The following ARHGAP15 variants were observed in gnomAD, a reference collection of about 807,000 sequenced individuals.
ARHGAP15 encodes the protein rho GTPase-activating protein 15.
Under a neutral mutation model 63.7 loss-of-function variants are expected in ARHGAP15, and 51 were observed. The ratio of observed to expected loss-of-function variants is 0.80; its 90% CI spans 0.64 to 1.01. The LOEUF (loss-of-function observed/expected upper bound fraction) is 1.01. Ranked by LOEUF, ARHGAP15 falls within the 50% of genes least tolerant of loss-of-function variation. ARHGAP15 has a pLI of 0.00. For synonymous variants in ARHGAP15, 191 were observed against 193.8 expected, an observed-to-expected ratio of 0.99 and a Z score of 0.12; for missense variants, 560 against 564.6, an observed-to-expected ratio of 0.99 and a Z score of 0.08.
chr2:143,767,603 G>T (rs755118395), intron 13 of ARHGAP15, among the ~76,000 whole-genome samples: 1 of 152,056 alleles, frequency 6.6e-6, no homozygotes, highest in Non-Finnish European at 1.5e-5. Flanking sequence ...CATTGTTCTG[G>T]TTATTTCATT....
intron 6 of ARHGAP15, among the ~76,000 whole-genome samples, chr2:143,337,201 C>T (rs1195950982): frequency 6.6e-6 from 1 of 151,860 alleles, no homozygotes; most frequent in African/African-American, 2.4e-5. Flanking sequence ...TGAAGATGGT[C>T]CATTTGAGGA....
chr2:143,229,149 A>G (rs1053018825), intron 5 of ARHGAP15, among the ~76,000 whole-genome samples: 2 of 152,148 alleles, frequency 1.3e-5, no homozygotes, highest in Non-Finnish European at 2.9e-5. Context: ...TTAAGTTGGT[A>G]TCTAGCATGC....
intron 13 of ARHGAP15, among the ~76,000 whole-genome samples, chr2:143,718,716 T>C (rs1684919274): frequency 6.6e-6 from 1 of 152,250 alleles, no homozygotes; most frequent in South Asian, 2.1e-4. Context: ...TTCTTTCTCT[T>C]GTCTGTACTC....
intron 2 of ARHGAP15, among the ~76,000 whole-genome samples, chr2:143,192,652 C>T (rs994676473): frequency 1.3e-5 from 2 of 152,170 alleles, no homozygotes; most frequent in East Asian, 1.9e-4. Flanking sequence ...AAGAGAGATG[C>T]TATTTCTGTT....
intron 12 of ARHGAP15, among the ~76,000 whole-genome samples, chr2:143,664,390 C>T (rs1436571191): frequency 5.3e-5 from 8 of 151,648 alleles, no homozygotes; most frequent in African/African-American, 1.9e-4. Flanking sequence ...ACACAACATA[C>T]CAGAATCTCT....
chr2:143,751,287 T>C (rs1467863051), intron 13 of ARHGAP15, among the ~76,000 whole-genome samples: 1 of 152,128 alleles, frequency 6.6e-6, no homozygotes, highest in Non-Finnish European at 1.5e-5. Flanking sequence ...CCGTGGGCTG[T>C]CTCCAAGAGT....
At chr2:143,292,079 T>TAA (rs906582438) in intron 6 of ARHGAP15, among the ~76,000 whole-genome samples, 3 of 150,156 alleles carry the variant, frequency 2.0e-5, no homozygotes, top group African/African-American at 7.4e-5. Flanking sequence ...AAATTAATAT[T>TAA]AATAACAATG....
intron 5 of ARHGAP15, among the ~76,000 whole-genome samples, chr2:143,244,070 C>T (rs1353177307): frequency 1.3e-5 from 2 of 152,138 alleles, no homozygotes; most frequent in African/African-American, 2.4e-5. Flanking sequence ...ACTTTGTGAA[C>T]TGTCATTCTG....
intron 12 of ARHGAP15, among the ~76,000 whole-genome samples, chr2:143,666,097 G>T (rs1402590331): frequency 1.3e-5 from 2 of 151,650 alleles, no homozygotes; most frequent in African/African-American, 2.4e-5. Flanking sequence ...CCAAAAAAGA[G>T]CCCACATCCC....
chr2:143,234,062 A>C (rs888504573), intron 5 of ARHGAP15, among the ~76,000 whole-genome samples: 4 of 151,476 alleles, frequency 2.6e-5, no homozygotes, highest in African/African-American at 9.7e-5. Context: ...TTACACTCTC[A>C]TTTTTCTTAT....
At chr2:143,738,355 G>T (rs548295182) in intron 13 of ARHGAP15, among the ~76,000 whole-genome samples, 1 of 152,176 alleles carries the variant, frequency 6.6e-6, no homozygotes, top group East Asian at 1.9e-4. Context: ...GTCATTTAGC[G>T]TTCTTACGAA....
intron 2 of ARHGAP15, among the ~76,000 whole-genome samples, chr2:143,195,083 T>C (rs1691837965): frequency 6.6e-6 from 1 of 152,170 alleles, no homozygotes; most frequent in African/African-American, 2.4e-5. Flanking sequence ...CTGATAAACT[T>C]TTATTTGTCC....
intron 10 of ARHGAP15, among the ~76,000 whole-genome samples, chr2:143,542,245 G>A (rs747928614): frequency 6.6e-6 from 1 of 152,160 alleles, no homozygotes; most frequent in Non-Finnish European, 1.5e-5. Context: ...ATCGGGGTGG[G>A]AGTGACCCGA....
chr2:143,155,776 T>C, intron 2 of ARHGAP15, 121 bp downstream of exon 2: 1 of 995,330 alleles, frequency 1.0e-6, no homozygotes, highest in Non-Finnish European at 1.4e-6. Flanking sequence ...AAACTGTTTT[T>C]GTAATGCATT....
chr2:143,472,858 GAAGTT>G (rs1691643724), intron 8 of ARHGAP15, among the ~76,000 whole-genome samples: 1 of 152,172 alleles, frequency 6.6e-6, no homozygotes, highest in Admixed American at 6.5e-5. Context: ...GGGCTCCAGG[GAAGTT>G]AAGTCACACA....
intron 12 of ARHGAP15, among the ~76,000 whole-genome samples, chr2:143,671,654 A>G (rs944146929): frequency 3.3e-5 from 5 of 152,218 alleles, no homozygotes; most frequent in African/African-American, 9.6e-5. Flanking sequence ...ATTATTGAAC[A>G]TGAAAAATGA....
rs186906670 is a variant in ARHGAP15 at position 143,570,719 on chromosome 2, T to C, written c.1003+14234T>C. 4.0e-3 allele frequency among the ~76,000 whole-genome samples: 614 copies of C among 152,328 alleles called. 7 individuals are homozygous for C. Among genetic ancestry groups the C allele is most frequent in the Non-Finnish European group, 4.7e-3 (318 of 68,030 alleles). ...GTATTGGTGATTTTTATTGTCTTCG[T>C]TTTTCAAAATACCTTCCCAATTTCC... On this transcript the variant is annotated intron_variant, in intron 11 of 13. Transcript: ENST00000295095.
chr2:143,598,734 C>T (rs1027903057), intron 11 of ARHGAP15, among the ~76,000 whole-genome samples: 3 of 151,920 alleles, frequency 2.0e-5, no homozygotes, highest in Non-Finnish European at 4.4e-5. Flanking sequence ...AGCAAAACCC[C>T]CATCTCCGTA....
intron 6 of ARHGAP15, among the ~76,000 whole-genome samples, chr2:143,346,212 A>ACTCT (rs879897795): frequency 1.5e-5 from 2 of 135,158 alleles, no homozygotes; most frequent in Admixed American, 7.4e-5. Context: ...TCACACACAC[A>ACTCT]CTCTCTCTCA....
Sources: gnomAD v4.1 joint callset for allele counts (sites outside exome capture counted in the v4.1 genomes callset) on GRCh38, gnomAD v4.1.1 for gene constraint, MANE v1.5 for transcripts, NCBI Gene and HGNC (gene_info 2026-07-23, HGNC 2026-07-21) for gene names.